ADCY8: variants seen among roughly 807,000 people sequenced by gnomAD.
ADCY8 encodes adenylate cyclase type 8.
In ADCY8, 51 loss-of-function variants were observed where a neutral mutation model predicts 119.7. The ratio of observed to expected loss-of-function variants is 0.43; its 90% CI spans 0.34 to 0.54. The LOEUF (loss-of-function observed/expected upper bound fraction) is 0.54, where lower values mean the gene tolerates loss of function less well. ADCY8 is among the 20% of genes least tolerant of loss of function. The pLI, the probability that ADCY8 is intolerant of heterozygous loss-of-function variation, is 0.03. For missense variants in ADCY8, 1,383 were observed against 1,598.8 expected, an observed-to-expected ratio of 0.87 and a Z score of 2.30; for synonymous variants, 665 against 651.0, an observed-to-expected ratio of 1.02 and a Z score of -0.33.
At chr8:130,868,751 A>C (rs181529862) in intron 8 of ADCY8, among the ~76,000 whole-genome samples, 1 of 152,198 alleles carries the variant, frequency 6.6e-6, no homozygotes, top group East Asian at 1.9e-4. Flanking sequence ...ATTTGACCTT[A>C]ATGAGAGAGA....
At chr8:130,796,265 C>A (rs949419591) in intron 15 of ADCY8, among the ~76,000 whole-genome samples, 5 of 152,196 alleles carry the variant, frequency 3.3e-5, no homozygotes, top group Admixed American at 2.0e-4. Flanking sequence ...ATCCATCCAG[C>A]AGATTTATTT....
chr8:130,804,824 G>T (rs907019566), intron 14 of ADCY8, among the ~76,000 whole-genome samples: 1 of 152,150 alleles, frequency 6.6e-6, no homozygotes, highest in Non-Finnish European at 1.5e-5. Flanking sequence ...TATGCTCACT[G>T]CAACCTCCAC....
chr8:130,982,430 C>A (rs1412123032), intron 2 of ADCY8, among the ~76,000 whole-genome samples: 2 of 152,216 alleles, frequency 1.3e-5, no homozygotes, highest in African/African-American at 2.4e-5. Flanking sequence ...GAAATTTTCA[C>A]AGAAATAGCC....
At chr8:131,000,859 C>T (rs7832434) in intron 1 of ADCY8, among the ~76,000 whole-genome samples, 84,075 of 151,528 alleles carry the variant, frequency 0.55, 24,167 homozygotes, top group East Asian at 0.78. Context: ...AGGAGGTGCG[C>T]GTTGTCTGCA....
At chr8:130,855,271 T>C (rs1246526490) in intron 9 of ADCY8, among the ~76,000 whole-genome samples, 2 of 152,068 alleles carry the variant, frequency 1.3e-5, no homozygotes, top group African/African-American at 4.8e-5. Context: ...TTTCAAAGCA[T>C]CAAACAGAAA....
chr8:130,897,211 A>C (rs1475403375), intron 7 of ADCY8, among the ~76,000 whole-genome samples: 6 of 152,102 alleles, frequency 3.9e-5, no homozygotes, highest in Non-Finnish European at 8.8e-5. Context: ...GAGGCTCAGC[A>C]TTGGATCCAC....
chr8:130,867,756 T>C, intron 9 of ADCY8, 90 bp downstream of exon 9: 1 of 878,978 alleles, frequency 1.1e-6, no homozygotes, highest in South Asian at 1.7e-5. Flanking sequence ...TTATTTTAAA[T>C]TCTGATTCTT....
At chr8:130,855,729 C>T (rs1192817092) in intron 9 of ADCY8, among the ~76,000 whole-genome samples, 3 of 152,126 alleles carry the variant, frequency 2.0e-5, no homozygotes, top group Admixed American at 6.5e-5. Flanking sequence ...TCTCATCCCC[C>T]ACATCCAGCC....
At chr8:130,804,972 C>A (rs1181499140) in intron 14 of ADCY8, among the ~76,000 whole-genome samples, 1 of 152,172 alleles carries the variant, frequency 6.6e-6, no homozygotes, top group Non-Finnish European at 1.5e-5. Flanking sequence ...GTCTTGAACT[C>A]CTGGCCTCCA....
At chr8:130,939,928 G>A in intron 4 of ADCY8, among the ~76,000 whole-genome samples, 1 of 152,174 alleles carries the variant, frequency 6.6e-6, no homozygotes, top group African/African-American at 2.4e-5. Context: ...GAAGCTTCCT[G>A]TGCTACAGAG....
At chr8:130,925,812 G>T (rs1424357056) in intron 5 of ADCY8, among the ~76,000 whole-genome samples, 1 of 152,188 alleles carries the variant, frequency 6.6e-6, no homozygotes, top group Non-Finnish European at 1.5e-5. Context: ...GCTTTGATGT[G>T]TTATCATCCC....
chr8:130,849,758 G>A lies in ADCY8; in HGVS notation c.2256C>T (p.His752=). The A allele has an allele frequency of 2.5e-6, 4 of 1,613,756 alleles. No individual in the cohort carries two copies. In the South Asian group the frequency reaches 4.4e-5, roughly 18 times the overall value. Residue 752 remains histidine (H), a synonymous_variant, in exon 10 of 18, where the codon CAC becomes CAT. Coordinates refer to ENST00000286355, the MANE Select transcript of ADCY8 (RefSeq NM_001115.3). ...CTGTGGTGATGAGGACCAGAGCCGA[G>A]TGCAGCATAATCAGAATGGAGAACT... ...TIQFSILIML[H]SALVLITTAE... is the part of the protein sequence containing the mutation.
At chr8:130,888,188 A>C (rs1305269165) in intron 7 of ADCY8, among the ~76,000 whole-genome samples, 2 of 151,730 alleles carry the variant, frequency 1.3e-5, no homozygotes, top group Non-Finnish European at 2.9e-5. Flanking sequence ...GGAAAATGCC[A>C]TAATACTTGA....
chr8:130,936,073 A>ATGTGTGTGTGTGTGTGTGTGTGTG (rs35028784), intron 5 of ADCY8, among the ~76,000 whole-genome samples: 4 of 147,068 alleles, frequency 2.7e-5, no homozygotes, highest in African/African-American at 1.0e-4. Context: ...AAGCACTGAC[A>ATGTGTGTGTGTGTGTGTGTGTGTG]TGTGTGTGTG....
At chr8:130,803,087 A>G (rs12678910) in intron 14 of ADCY8, among the ~76,000 whole-genome samples, 17,925 of 152,238 alleles carry the variant, frequency 0.12, 1,417 homozygotes, top group Admixed American at 0.23. Flanking sequence ...ACTTGCATTC[A>G]AATCCTTGTC....
At chr8:130,976,844 T>G (rs1193711086) in intron 2 of ADCY8, among the ~76,000 whole-genome samples, 6 of 152,220 alleles carry the variant, frequency 3.9e-5, no homozygotes. Context: ...AATTTACATT[T>G]GTAGTGTGTT....
At chr8:130,937,826 T>C (rs1054837651) in intron 4 of ADCY8, among the ~76,000 whole-genome samples, 1 of 152,178 alleles carries the variant, frequency 6.6e-6, no homozygotes, top group Non-Finnish European at 1.5e-5. Flanking sequence ...AACCCAAAGA[T>C]GACTAATAAT....
At chr8:130,845,527 G>T (rs777037103) in intron 11 of ADCY8, among the ~76,000 whole-genome samples, 7 of 152,162 alleles carry the variant, frequency 4.6e-5, no homozygotes, top group Non-Finnish European at 5.9e-5. Context: ...CTTTCGCCTA[G>T]CTCTGACCAT....
intron 3 of ADCY8, among the ~76,000 whole-genome samples, chr8:130,947,701 A>T (rs183426423): frequency 1.8e-4 from 27 of 152,346 alleles, no homozygotes; most frequent in Non-Finnish European, 2.8e-4. Flanking sequence ...GGTCACTAAA[A>T]TATCTACCAT....
Sources: gnomAD v4.1 joint callset for allele counts (sites outside exome capture counted in the v4.1 genomes callset) on GRCh38, gnomAD v4.1.1 for gene constraint, MANE v1.5 for transcripts, NCBI Gene and HGNC (gene_info 2026-07-23, HGNC 2026-07-21) for gene names.